INPP5A: variants seen among roughly 807,000 people sequenced by gnomAD.
INPP5A encodes 43 kDa inositol polyphosphate 5-phophatase.
A neutral mutation model predicts 65.2 loss-of-function variants in INPP5A; 14 were observed. That is an observed-to-expected ratio of 0.21 (90% confidence interval 0.14 to 0.34). INPP5A has a LOEUF of 0.34. Ranked by LOEUF, INPP5A falls within the 10% of genes least tolerant of loss-of-function variation. The pLI is 1.00. For missense variants in INPP5A, 431 were observed against 545.6 expected (o/e 0.79, Z 2.09); for synonymous variants, 207 against 208.3 (o/e 0.99, Z 0.05).
At chr10:132,677,180 G>A (rs1173070078) in intron 4 of INPP5A, among the ~76,000 whole-genome samples, 1 of 152,218 alleles carries the variant, frequency 6.6e-6, no homozygotes, top group African/African-American at 2.4e-5. Flanking sequence ...GTCTGAAGCT[G>A]TTTCAGCCTC....
chr10:132,657,355 C>T (rs983279361), intron 4 of INPP5A, among the ~76,000 whole-genome samples: 1 of 152,254 alleles, frequency 6.6e-6, no homozygotes, highest in African/African-American at 2.4e-5. Context: ...GCCTTGGTGG[C>T]TTCTAGGCTT....
chr10:132,690,936 T>G (rs1470260939), intron 5 of INPP5A, among the ~76,000 whole-genome samples: 2 of 152,188 alleles, frequency 1.3e-5, no homozygotes, highest in East Asian at 3.9e-4. Context: ...GTGCGTGAGC[T>G]AGGCCGGGTG....
rs539432480 is a variant in INPP5A at position 132,763,838 on chromosome 10, C to T, written c.904-1935C>T. On this transcript the variant is annotated intron_variant, in intron 11 of 15. Transcript: ENST00000368594. ...ACGCATAAACACATCTGCATGCAAA[C>T]ACACACATGCCTGTGCATGCATAAA... Among the ~76,000 whole-genome samples, 4 of 152,324 alleles carry T rather than the reference C, an allele frequency of 2.6e-5. No homozygotes were observed. The East Asian group carries it at 7.7e-4, about 29-fold the overall frequency.
At chr10:132,754,661 A>G (rs1846558687) in intron 11 of INPP5A, among the ~76,000 whole-genome samples, 1 of 152,248 alleles carries the variant, frequency 6.6e-6, no homozygotes, top group South Asian at 2.1e-4. Context: ...AGGGTGGGAA[A>G]GTGGCCTTGG....
chr10:132,582,293 T>C (rs1232463848), intron 1 of INPP5A, among the ~76,000 whole-genome samples: 4 of 152,202 alleles, frequency 2.6e-5, no homozygotes, highest in African/African-American at 7.2e-5. Flanking sequence ...GCTTTTACTG[T>C]CTACATTTGG....
Position 132,678,593 on chromosome 10 carries a change from G to A in INPP5A, c.307-11799G>A, listed in dbSNP as rs936090875. Among the ~76,000 whole-genome samples the A allele has an allele frequency of 2.6e-5, 4 of 152,174 alleles. No homozygotes were observed. Among genetic ancestry groups the A allele is most frequent in the African/African-American group, 7.2e-5 (3 of 41,440 alleles). On this transcript the variant is annotated intron_variant, in intron 4 of 15. Coordinates refer to ENST00000368594, the MANE Select transcript of INPP5A (RefSeq NM_005539.5). The surrounding 1 kb of genome is among the most constrained non-coding windows in gnomAD (Gnocchi z 4.1). ...TGCTGCTCAGCCGGGCGCCCAGAGGGTGTGGTGCCTCTCTCATTGCCCAGG... is the reference window on the plus strand; with the variant it reads ...TGCTGCTCAGCCGGGCGCCCAGAGGATGTGGTGCCTCTCTCATTGCCCAGG...
At chr10:132,583,164 C>T (rs1461734270) in intron 1 of INPP5A, among the ~76,000 whole-genome samples, 1 of 152,106 alleles carries the variant, frequency 6.6e-6, no homozygotes, top group African/African-American at 2.4e-5. Flanking sequence ...TGAATTGTTA[C>T]GTAGTTTATG....
In INPP5A at chr10:132,758,379, A is replaced by G. The variant is rs147467572; in HGVS notation, c.904-7394A>G. Among the ~76,000 whole-genome samples, 359 of 83,696 alleles carry G rather than the reference A, an allele frequency of 4.3e-3. 11 individuals carry two copies. Among genetic ancestry groups the G allele is most frequent in the Middle Eastern group, 0.028 (3 of 108 alleles). The allele number at this position is 83,696 out of a possible 152,430, so 54.9% of individuals were successfully genotyped here. A position where few individuals can be genotyped will look rare whatever the true frequency, so the allele number is the denominator to read the frequency against. ...CCCGGCCGACCCCACAGGCCAGTGC[A>G]ATGTTGTGGGTCCCTGGCTGACCCC... On this transcript the variant is annotated intron_variant, in intron 11 of 15. Coordinates refer to ENST00000368594, the MANE Select transcript of INPP5A (RefSeq NM_005539.5).
intron 11 of INPP5A, among the ~76,000 whole-genome samples, chr10:132,759,875 G>A (rs557514562): frequency 1.1e-3 from 168 of 152,254 alleles, no homozygotes; most frequent in African/African-American, 4.0e-3. Context: ...TTGTTCACGT[G>A]CCCCTTGATG....
intron 1 of INPP5A, among the ~76,000 whole-genome samples, chr10:132,585,269 T>C (rs2071532963): frequency 1.3e-5 from 2 of 152,276 alleles, no homozygotes; most frequent in Admixed American, 6.5e-5. Flanking sequence ...AAATCATTTG[T>C]ATACAAGTAC....
chr10:132,590,382 C>T (rs2071604939), intron 1 of INPP5A, among the ~76,000 whole-genome samples: 1 of 152,138 alleles, frequency 6.6e-6, no homozygotes, highest in Non-Finnish European at 1.5e-5. Context: ...ACTGTCCGCG[C>T]TAGGAGTGCA....
chr10:132,613,613 G>A (rs1226307095), intron 2 of INPP5A, among the ~76,000 whole-genome samples: 1 of 152,212 alleles, frequency 6.6e-6, no homozygotes, highest in African/African-American at 2.4e-5. Context: ...TCTCAAAAGT[G>A]AGATTTCAGC....
At chr10:132,764,771 G>A (rs1213317988) in intron 11 of INPP5A, among the ~76,000 whole-genome samples, 2 of 140,260 alleles carry the variant, frequency 1.4e-5, no homozygotes, top group Non-Finnish European at 3.1e-5. Context: ...GGGAGGGTGT[G>A]CGTGGTGACA....
chr10:132,643,684 G>A (rs879806549), intron 2 of INPP5A, among the ~76,000 whole-genome samples: 6 of 152,186 alleles, frequency 3.9e-5, no homozygotes, highest in Admixed American at 3.9e-4. Flanking sequence ...GATGCTGTGA[G>A]TTACTAATTC....
At chr10:132,726,008 TTCA>T (rs1845978261) in intron 8 of INPP5A, among the ~76,000 whole-genome samples, 6 of 152,034 alleles carry the variant, frequency 3.9e-5, no homozygotes, top group Admixed American at 3.9e-4. Flanking sequence ...AAGCAAGCAG[TTCA>T]CGGCGTTACT....
At chr10:132,652,950 C>T (rs941439275) in intron 4 of INPP5A, among the ~76,000 whole-genome samples, 1 of 152,192 alleles carries the variant, frequency 6.6e-6, no homozygotes, top group Non-Finnish European at 1.5e-5. Context: ...GGAGGCTCTG[C>T]ACCGCAGGAG....
rs2070984312 is a variant in INPP5A at position 132,547,072 on chromosome 10, T to C, written c.75+8901T>C. ...GAGACTTGGCTTTGGCCCAAGTCCCTGTGGAGAGGAAATCCCGCCTTCAGT... is the reference window on the plus strand; with the variant it reads ...GAGACTTGGCTTTGGCCCAAGTCCCCGTGGAGAGGAAATCCCGCCTTCAGT... On this transcript the variant is annotated intron_variant, in intron 1 of 15. Coordinates refer to ENST00000368594, the MANE Select transcript of INPP5A (RefSeq NM_005539.5). This position sits in a 1 kb window ranked among gnomAD's most constrained non-coding sequence, Gnocchi z 5.5. Among the ~76,000 whole-genome samples the C allele has an allele frequency of 6.6e-6, 1 of 152,242 alleles. No homozygotes were observed. Among genetic ancestry groups the C allele is most frequent in the South Asian group, 2.1e-4 (1 of 4,834 alleles).
At chr10:132,763,906 C>T (rs1846783380) in intron 11 of INPP5A, among the ~76,000 whole-genome samples, 1 of 152,286 alleles carries the variant, frequency 6.6e-6, no homozygotes, top group African/African-American at 2.4e-5. Context: ...CATAAACACG[C>T]ATGTGCAGAA....
chr10:132,578,774 G>A (rs976176308), intron 1 of INPP5A, among the ~76,000 whole-genome samples: 2 of 147,110 alleles, frequency 1.4e-5, no homozygotes, highest in African/African-American at 2.7e-5. Flanking sequence ...GGCTGGGTCT[G>A]GGCTCCAGGA....
Sources: allele counts gnomAD v4.1 joint callset (sites outside exome capture counted in the v4.1 genomes callset), GRCh38; gene constraint gnomAD v4.1.1; non-coding constraint Gnocchi (gnomAD v3.1); transcripts MANE v1.5; gene names NCBI Gene and HGNC (gene_info 2026-07-23, HGNC 2026-07-21).